The following CCSER2 variants were observed in gnomAD, a reference collection of about 807,000 sequenced individuals.
The protein encoded by CCSER2 is serine-rich coiled-coil domain-containing protein 2.
CCSER2 carries 46 observed loss-of-function variants against 92.3 expected under a neutral mutation model. The ratio of observed to expected loss-of-function variants is 0.50; its 90% CI spans 0.39 to 0.64. CCSER2 has a LOEUF of 0.64. CCSER2 is among the 30% of genes least tolerant of loss of function. The pLI, the probability that CCSER2 is intolerant of heterozygous loss-of-function variation, is 0.00. For synonymous variants in CCSER2, 433 were observed against 431.4 expected (o/e 1.00, Z -0.04); for missense variants, 1,244 against 1,238.9 (o/e 1.00, Z -0.06).
At chr10:84,477,393 T>G (rs988983297) in intron 8 of CCSER2, among the ~76,000 whole-genome samples, 182 bp from the exon 9 acceptor site, 3 of 152,198 alleles carry the variant, frequency 2.0e-5, no homozygotes, top group Non-Finnish European at 4.4e-5. Flanking sequence ...TTTGTTGATT[T>G]GGTTACATAC....
At chr10:84,502,793 A>G (rs1564731018) in intron 9 of CCSER2, among the ~76,000 whole-genome samples, 1 of 152,178 alleles carries the variant, frequency 6.6e-6, no homozygotes, top group South Asian at 2.1e-4. Context: ...AAGTTACGGA[A>G]GTATAGTAGA....
chr10:84,424,300 G>C (rs1186111595), intron 4 of CCSER2, among the ~76,000 whole-genome samples: 1 of 148,962 alleles, frequency 6.7e-6, no homozygotes, highest in Admixed American at 6.7e-5. Context: ...AAAAAAACTT[G>C]GTTTATTCCT....
chr10:84,455,283 CTTTTTTTTTTT>C (rs71013326), intron 6 of CCSER2: 1 of 99,166 alleles, frequency 1.0e-5, no homozygotes, highest in African/African-American at 3.3e-5. Context: ...TTTTCTTTTT[CTTTTTTTTTTT>C]TTTGAGAAAG....
At chr10:84,394,250 G>GGT (rs1157815504) in intron 3 of CCSER2, among the ~76,000 whole-genome samples, 1 of 152,166 alleles carries the variant, frequency 6.6e-6, no homozygotes. Context: ...AGGACACTGA[G>GGT]GTGGATAAGG....
chr10:84,374,034 T>G, intron 3 of CCSER2: 1 of 1,030,174 alleles, frequency 9.7e-7, no homozygotes, highest in Non-Finnish European at 1.4e-6. Context: ...CATGTTTACA[T>G]ATATATTCCT....
At chr10:84,402,670 C>G (rs757572182) in intron 3 of CCSER2, among the ~76,000 whole-genome samples, 13 of 152,184 alleles carry the variant, frequency 8.5e-5, no homozygotes, top group Non-Finnish European at 1.3e-4. Flanking sequence ...AAACCTACAG[C>G]TAACATTATG....
intron 9 of CCSER2, among the ~76,000 whole-genome samples, chr10:84,495,741 T>C (rs1036024553): frequency 6.6e-6 from 1 of 151,526 alleles, no homozygotes; most frequent in Admixed American, 6.6e-5. Flanking sequence ...CTGAAGTCTA[T>C]TTGATAATAA....
intron 6 of CCSER2, 135 bp from the exon 7 acceptor site, chr10:84,463,798 G>A (rs931302130): frequency 1.7e-6 from 1 of 573,934 alleles, no homozygotes; most frequent in Middle Eastern, 3.9e-4. Flanking sequence ...CTAAAATTTT[G>A]TCTCCCATTT....
intron 6 of CCSER2, among the ~76,000 whole-genome samples, chr10:84,441,283 G>C (rs1844517865): frequency 1.3e-5 from 2 of 152,064 alleles, no homozygotes; most frequent in South Asian, 4.1e-4. Context: ...TATTCCAGCT[G>C]TCTGTTTTTA....
intron 6 of CCSER2, among the ~76,000 whole-genome samples, chr10:84,457,371 T>TAATATAAA: frequency 1.1e-5 from 1 of 92,904 alleles, no homozygotes; most frequent in Non-Finnish European, 2.0e-5. Flanking sequence ...TTATTTTAAA[T>TAATATAAA]ATATATTTTA....
chr10:84,502,367 C>CTTTTTTTT (rs562377515), intron 9 of CCSER2, among the ~76,000 whole-genome samples: 1 of 111,256 alleles, frequency 9.0e-6, no homozygotes, highest in Non-Finnish European at 1.8e-5. Context: ...TTGATGACTT[C>CTTTTTTTT]TTTTTTTTTT....
chr10:84,364,740 T>G (rs760289676), intron 1 of CCSER2, among the ~76,000 whole-genome samples: 9 of 142,628 alleles, frequency 6.3e-5, no homozygotes, highest in Non-Finnish European at 1.1e-4. Context: ...TTTTGAATTT[T>G]TTTTTGTTTT....
chr10:84,494,427 T>G (rs551934321), intron 9 of CCSER2, among the ~76,000 whole-genome samples: 16 of 152,328 alleles, frequency 1.1e-4, no homozygotes, highest in Admixed American at 2.0e-4. Context: ...ACTGTTATCT[T>G]AATGCCAACC....
In CCSER2 at chr10:84,355,097, C is replaced by T. The variant is rs1845088635; in HGVS notation, c.-39-15917C>T. Among the ~76,000 whole-genome samples the T allele has an allele frequency of 3.3e-5, 5 of 152,056 alleles. No homozygotes were observed. In the South Asian group the frequency reaches 1.0e-3, roughly 31 times the overall value. ...TGTTGTAACTAACCTCTTAACCCAT[C>T]TCCCCTTCTTAACCCATCTCCTGCG... On this transcript the variant is annotated intron_variant, in intron 1 of 9. Coordinates refer to ENST00000372088, the MANE Select transcript of CCSER2 (RefSeq NM_001284240.2).
At chr10:84,342,366 A>G (rs1589393151) in intron 1 of CCSER2, among the ~76,000 whole-genome samples, 1 of 152,188 alleles carries the variant, frequency 6.6e-6, no homozygotes, top group African/African-American at 2.4e-5. Flanking sequence ...GGCTACTGCC[A>G]ATCTCTTTCG....
At chr10:84,433,782 A>G (rs1011971804) in intron 5 of CCSER2, among the ~76,000 whole-genome samples, 1 of 151,546 alleles carries the variant, frequency 6.6e-6, no homozygotes, top group African/African-American at 2.4e-5. Flanking sequence ...CTTTTTTTTT[A>G]TCTTGTTGAT....
chr10:84,392,394 T>C (rs1274193759), intron 3 of CCSER2, among the ~76,000 whole-genome samples: 1 of 150,338 alleles, frequency 6.7e-6, no homozygotes, highest in Non-Finnish European at 1.5e-5. Context: ...TGGAGAATTG[T>C]ACCAAAACAG....
chr10:84,389,018 C>T (rs1471575296), intron 3 of CCSER2, among the ~76,000 whole-genome samples: 1 of 152,150 alleles, frequency 6.6e-6, no homozygotes, highest in Non-Finnish European at 1.5e-5. Flanking sequence ...ACAGAATAAC[C>T]ATTCGCATCA....
At chr10:84,435,326 T>G (rs1226878560) in intron 5 of CCSER2, among the ~76,000 whole-genome samples, 2 of 152,316 alleles carry the variant, frequency 1.3e-5, no homozygotes, top group Non-Finnish European at 2.9e-5. Context: ...ACTTGTTGAC[T>G]CTTCCTTAAA....
Sources: gnomAD v4.1 joint callset for allele counts (sites outside exome capture counted in the v4.1 genomes callset) on GRCh38, gnomAD v4.1.1 for gene constraint, MANE v1.5 for transcripts, NCBI Gene and HGNC (gene_info 2026-07-23, HGNC 2026-07-21) for gene names.